Variants in SOX5 observed in about 807,000 individuals in gnomAD.
SOX5 encodes the protein SRY-box transcription factor 5.
A neutral mutation model predicts 92.0 loss-of-function variants in SOX5; 9 were observed. The observed-to-expected ratio is 0.10, with a 90% CI of 0.06 to 0.17. The LOEUF is 0.17. SOX5 is among the 10% of genes least tolerant of loss of function. SOX5 has a pLI of 1.00. For missense variants in SOX5, 642 were observed against 944.5 expected, an observed-to-expected ratio of 0.68 and a Z score of 4.20; for synonymous variants, 344 against 336.3, an observed-to-expected ratio of 1.02 and a Z score of -0.25.
intron 4 of SOX5, among the ~76,000 whole-genome samples, chr12:24,159,707 T>G (rs1952554878): frequency 6.6e-6 from 1 of 152,026 alleles, no homozygotes. Context: ...ACGTTCCAGA[T>G]AATATTCTGG....
intron 4 of SOX5, among the ~76,000 whole-genome samples, chr12:23,976,165 T>A (rs765033412): frequency 6.6e-6 from 1 of 151,912 alleles, no homozygotes; most frequent in African/African-American, 2.4e-5. Context: ...TAGATAGTCA[T>A]AAAATACTTT....
intron 2 of SOX5, among the ~76,000 whole-genome samples, chr12:24,299,073 G>T (rs10842320): frequency 0.29 from 43,864 of 152,012 alleles, 6,790 homozygotes; most frequent in African/African-American, 0.36. Context: ...ATACTGAGTT[G>T]TCTTTTCTCT....
chr12:23,732,980 C>CT (rs2093447071), intron 6 of SOX5, among the ~76,000 whole-genome samples: 1 of 152,152 alleles, frequency 6.6e-6, no homozygotes, highest in African/African-American at 2.4e-5. Context: ...TCCATTTCAA[C>CT]TTTTTGTCAT....
At chr12:23,607,844 AAAT>A (rs1424740992) in intron 8 of SOX5, among the ~76,000 whole-genome samples, 1 of 152,176 alleles carries the variant, frequency 6.6e-6, no homozygotes, top group East Asian at 1.9e-4. Flanking sequence ...ATCTTTCTTT[AAAT>A]AATAACAGAT....
chr12:23,974,491 T>A (rs141065726), intron 4 of SOX5, among the ~76,000 whole-genome samples: 47 of 152,276 alleles, frequency 3.1e-4, no homozygotes, highest in African/African-American at 1.1e-3. Flanking sequence ...CTAACCAGTA[T>A]TATAAGATGA....
At chr12:23,837,227 AATATATATTTATATAATATAT>A (rs1378232762) in intron 3 of SOX5, among the ~76,000 whole-genome samples, 38 of 121,414 alleles carry the variant, frequency 3.1e-4, no homozygotes, top group African/African-American at 1.0e-3. Context: ...TATGATATAT[AATATATATTTATATAATATAT>A]ATTTATATTT....
chr12:24,108,844 A>G (rs956125566), intron 4 of SOX5, among the ~76,000 whole-genome samples: 4 of 152,168 alleles, frequency 2.6e-5, no homozygotes, highest in African/African-American at 9.6e-5. Flanking sequence ...AACTTATTGT[A>G]CAATGAAGTG....
At chr12:24,099,059 A>T (rs60278752) in intron 4 of SOX5, among the ~76,000 whole-genome samples, 6,913 of 152,270 alleles carry the variant, frequency 0.045, 175 homozygotes, top group Admixed American at 0.061. Context: ...TCAAAACCTG[A>T]TATCCATAAT....
intron 4 of SOX5, among the ~76,000 whole-genome samples, chr12:24,059,321 A>G (rs2137247028): frequency 6.6e-6 from 1 of 152,308 alleles, no homozygotes; most frequent in East Asian, 1.9e-4. Context: ...GGCTAGATTC[A>G]TGCTTAGAAG....
intron 1 of SOX5, among the ~76,000 whole-genome samples, chr12:24,535,206 T>C (rs143498766): frequency 6.6e-6 from 1 of 152,330 alleles, no homozygotes; most frequent in African/African-American, 2.4e-5. Flanking sequence ...GCCTATGTGC[T>C]GTGAATAGAG....
intron 1 of SOX5, among the ~76,000 whole-genome samples, chr12:24,403,692 C>A (rs1962273370): frequency 6.6e-6 from 1 of 152,228 alleles, no homozygotes; most frequent in Non-Finnish European, 1.5e-5. Flanking sequence ...GTCTACTTTA[C>A]TTAAAATCAC....
chr12:23,949,723 CCTCCCTCCCT>C, upstream of SOX5: 1 of 1,212,642 alleles, frequency 8.2e-7, no homozygotes, highest in Non-Finnish European at 1.1e-6. Context: ...TCCCCCCCTC[CCTCCCTCCCT>C]CTCTCTCTCT....
intron 2 of SOX5, among the ~76,000 whole-genome samples, chr12:24,299,760 C>T (rs866199250): frequency 2.6e-5 from 4 of 152,100 alleles, no homozygotes; most frequent in African/African-American, 7.2e-5. Context: ...TTTCCTACTA[C>T]GCCAACGAAG....
chr12:23,920,810 A>G (rs1198285681), intron 1 of SOX5, among the ~76,000 whole-genome samples: 2 of 152,188 alleles, frequency 1.3e-5, no homozygotes, highest in Non-Finnish European at 2.9e-5. Flanking sequence ...TAATATATGT[A>G]TGCAAAATAG....
intron 6 of SOX5, among the ~76,000 whole-genome samples, chr12:23,683,656 C>T (rs1298589550): frequency 6.6e-6 from 1 of 151,884 alleles, no homozygotes; most frequent in Admixed American, 6.6e-5. Flanking sequence ...AGAAAAAACT[C>T]AACGTTTCAA....
chr12:24,093,051 T>TA (rs1050811987), intron 4 of SOX5, among the ~76,000 whole-genome samples: 7 of 152,010 alleles, frequency 4.6e-5, no homozygotes, highest in African/African-American at 1.7e-4. Context: ...ATGAGCTAAA[T>TA]AAAAAAATCA....
chr12:24,528,231 T>C lies in SOX5; in HGVS notation c.-251+34098A>G, dbSNP rs567422992. Among the ~76,000 whole-genome samples, 4 of 152,368 alleles carry C rather than the reference T, an allele frequency of 2.6e-5. No individual in the cohort carries two copies. In the South Asian group the frequency reaches 8.3e-4, roughly 32 times the overall value. On this transcript the variant is annotated intron_variant, in intron 1 of 4. Coordinates refer to the SOX5 transcript ENST00000446891. ...TTGCCACTTCTCAAGATCTCATTTATACAAAGTGGCAGAGTCGGCTCTGCT... is the reference window on the plus strand; with the variant it reads ...TTGCCACTTCTCAAGATCTCATTTACACAAAGTGGCAGAGTCGGCTCTGCT...
At chr12:23,813,092 C>T (rs750983281) in intron 3 of SOX5, among the ~76,000 whole-genome samples, 3 of 151,828 alleles carry the variant, frequency 2.0e-5, no homozygotes, top group Non-Finnish European at 4.4e-5. Flanking sequence ...GCTTTTTTGC[C>T]TTATGGTTAT....
At chr12:23,820,472 G>T (rs762296382) in intron 3 of SOX5, among the ~76,000 whole-genome samples, 41 of 152,100 alleles carry the variant, frequency 2.7e-4, no homozygotes, top group Non-Finnish European at 5.7e-4. Context: ...AATTGCTTTT[G>T]GTGTTTCAGT....
Sources: gnomAD v4.1 joint callset for allele counts (sites outside exome capture counted in the v4.1 genomes callset) on GRCh38, gnomAD v4.1.1 for gene constraint, MANE v1.5 for transcripts, NCBI Gene and HGNC (gene_info 2026-07-23, HGNC 2026-07-21) for gene names.